The following SUFU variants were observed in gnomAD, a reference collection of about 807,000 sequenced individuals.
SUFU encodes the protein SUFU negative regulator of hedgehog signaling.
Under a neutral mutation model 58.9 loss-of-function variants are expected in SUFU, and 7 were observed. The observed-to-expected ratio is 0.12, with a 90% confidence interval of 0.07 to 0.22. SUFU has a LOEUF of 0.22. Ranked by LOEUF, SUFU falls within the 10% of genes least tolerant of loss-of-function variation. SUFU has a pLI of 1.00. For missense variants in SUFU, 451 were observed against 641.3 expected (o/e 0.70, Z 3.20); for synonymous variants, 232 against 254.8 (o/e 0.91, Z 0.85).
rs2135596705 is a variant in SUFU, at chr10:102,504,107, T to C, written c.-46T>C. 1 of 1,515,864 alleles carries C rather than the reference T, an allele frequency of 6.6e-7. No homozygotes were observed. Among genetic ancestry groups the C allele is most frequent in the Non-Finnish European group, 8.8e-7 (1 of 1,136,908 alleles). 93.9% of individuals were successfully genotyped at this position (1,515,864 alleles called of 1,614,324 possible). On this transcript the variant is annotated 5_prime_UTR_variant, in exon 1 of 12. Coordinates refer to ENST00000369902, the MANE Select transcript of SUFU (RefSeq NM_016169.4). ...CGCTGGCCCGTCAGTGCTCTCCCCG[T>C]CGTTTGCCCTCTCCAGTTCCCCCAG...
Position 102,618,993 on chromosome 10 carries a change from G to A in SUFU, c.1296+1565G>A, listed in dbSNP as rs10786698. The A allele has an allele frequency of 0.49, 595,706 of 1,204,010 alleles. 138,193 individuals are homozygous for A. The highest frequency in any genetic ancestry group is 0.74 in the East Asian group (31,374 of 42,674). The allele number at this position is 1,204,010 out of a possible 1,614,324, so 74.6% of individuals were successfully genotyped here. Reference sequence around the variant, plus strand: ...GTGTGTGTGTGTAATGTTCAAGCACGTTTTCCTGGGACAGTCGGGACTGGG... The same window carrying A: ...GTGTGTGTGTGTAATGTTCAAGCACATTTTCCTGGGACAGTCGGGACTGGG... On this transcript the variant is annotated intron_variant, in intron 10 of 11. Transcript: ENST00000369902.
chr10:102,555,229 C>T (rs1354641826), intron 3 of SUFU, among the ~76,000 whole-genome samples: 4 of 139,410 alleles, frequency 2.9e-5, no homozygotes, highest in Non-Finnish European at 6.0e-5. Flanking sequence ...GACTGCGCCA[C>T]TGCACTCCAG....
Position 102,630,616 on chromosome 10 carries a change from G to A in SUFU, c.*461G>A, listed in dbSNP as rs189248164. 5 of 313,650 alleles carry A rather than the reference G, an allele frequency of 1.6e-5. No individual in the cohort carries two copies. Among genetic ancestry groups the A allele is most frequent in the Admixed American group, 1.3e-4 (3 of 22,336 alleles). The allele number at this position is 313,650 out of a possible 1,614,324, so 19.4% of individuals were successfully genotyped here. ...TTGCTACTCAAGCTCCTCTGGCCGC[G>A]GAACAATTCCTCTGATCATGTTTGG... On this transcript the variant is annotated 3_prime_UTR_variant, in exon 12 of 12. Coordinates refer to ENST00000369902, the MANE Select transcript of SUFU (RefSeq NM_016169.4).
At chr10:102,519,947 T>G (rs1456303456) in intron 2 of SUFU, among the ~76,000 whole-genome samples, 1 of 151,636 alleles carries the variant, frequency 6.6e-6, no homozygotes, top group Non-Finnish European at 1.5e-5. Flanking sequence ...AATTTTTGTA[T>G]TTTTAGTAGA....
intron 1 of SUFU, among the ~76,000 whole-genome samples, chr10:102,506,039 GAAAAAAAAAAAAAA>G (rs1170831161): frequency 2.4e-5 from 2 of 84,204 alleles, no homozygotes; most frequent in African/African-American, 8.5e-5. Context: ...TCTGTTATTT[GAAAAAAAAAAAAAA>G]AAAAAAAAAA....
At chr10:102,618,948 G>GTA in intron 10 of SUFU, 1 of 708,862 alleles carries the variant, frequency 1.4e-6, no homozygotes, top group Non-Finnish European at 2.5e-6. Flanking sequence ...GTGTGTGTGT[G>GTA]TGTGTGTGTG....
At chr10:102,556,278 G>A (rs1398760492) in intron 3 of SUFU, among the ~76,000 whole-genome samples, 1 of 152,146 alleles carries the variant, frequency 6.6e-6, no homozygotes, top group Non-Finnish European at 1.5e-5. Context: ...CTGACCTGCT[G>A]GCAGACAGCT....
chr10:102,587,867 G>A (rs1416031705), intron 3 of SUFU, among the ~76,000 whole-genome samples: 1 of 152,130 alleles, frequency 6.6e-6, no homozygotes, highest in Admixed American at 6.5e-5. Context: ...ATATTGTATG[G>A]AAGAAACCTT....
intron 8 of SUFU, among the ~76,000 whole-genome samples, chr10:102,602,504 C>T (rs1010062542): frequency 3.9e-5 from 6 of 152,182 alleles, no homozygotes; most frequent in Admixed American, 6.5e-5. Context: ...TTAAATAACT[C>T]CTATGAGATG....
rs146344792 is a variant in SUFU at position 102,532,198 on chromosome 10, C to G, written c.318-17772C>G. Among the ~76,000 whole-genome samples the G allele has an allele frequency of 4.5e-4, 69 of 152,198 alleles. No individual in the cohort carries two copies. The East Asian group carries it at 0.013, about 29-fold the overall frequency. On this transcript the variant is annotated intron_variant, in intron 2 of 11. Coordinates refer to ENST00000369902, the MANE Select transcript of SUFU (RefSeq NM_016169.4). ...GGCCAGGCTGGTCTGGAACTCCTGA[C>G]CCTCTAGTGATTCTCCCATCTCTGC...
At chr10:102,605,785 A>G (rs1310078103) in intron 8 of SUFU, among the ~76,000 whole-genome samples, 1 of 152,214 alleles carries the variant, frequency 6.6e-6, no homozygotes, top group Non-Finnish European at 1.5e-5. Context: ...AGAATCTCCC[A>G]GGCAAGGGGC....
chr10:102,518,519 G>GTCTATCTGTCTA (rs1554842628), intron 2 of SUFU, among the ~76,000 whole-genome samples: 1 of 147,114 alleles, frequency 6.8e-6, no homozygotes, highest in African/African-American at 2.5e-5. Flanking sequence ...CTGTCTGTCT[G>GTCTATCTGTCTA]TCTATCTATC....
At chr10:102,583,661 C>T (rs1293090425) in intron 3 of SUFU, among the ~76,000 whole-genome samples, 2 of 152,144 alleles carry the variant, frequency 1.3e-5, no homozygotes, top group Non-Finnish European at 2.9e-5. Flanking sequence ...TGTTTCCAGC[C>T]TAAATAAATC....
Position 102,573,213 on chromosome 10 carries a change from CTT to C in SUFU, c.455-19367_455-19366del, listed in dbSNP as rs2063180804. ...GGAGGAGCAGGAGCTTCCTTCTTTGCTTTCGGCACCGTCTTGTGAAAAGGGCC... is the reference window on the plus strand; with the variant it reads ...GGAGGAGCAGGAGCTTCCTTCTTTGCTCGGCACCGTCTTGTGAAAAGGGCC... On this transcript the variant is annotated intron_variant, in intron 3 of 11. Coordinates refer to ENST00000369902, the MANE Select transcript of SUFU (RefSeq NM_016169.4). 71 of 734,426 alleles carry C rather than the reference CTT, an allele frequency of 9.7e-5. No homozygotes were observed. The South Asian group carries it at 9.8e-4, about 10-fold the overall frequency. 45.5% of individuals were successfully genotyped at this position (734,426 alleles called of 1,614,324 possible).
chr10:102,547,206 C>T (rs2062864393), intron 2 of SUFU, among the ~76,000 whole-genome samples: 1 of 152,172 alleles, frequency 6.6e-6, no homozygotes, highest in Non-Finnish European at 1.5e-5. Context: ...CTTCCCTTTG[C>T]CCTACTGACC....
At chr10:102,621,270 C>T (rs1158703970) in intron 10 of SUFU, among the ~76,000 whole-genome samples, 1 of 152,204 alleles carries the variant, frequency 6.6e-6, no homozygotes, top group African/African-American at 2.4e-5. Context: ...TTTGCTTGGA[C>T]TGCCCCGAGA....
intron 2 of SUFU, among the ~76,000 whole-genome samples, chr10:102,513,213 C>A (rs1038422338): frequency 6.6e-6 from 1 of 152,116 alleles, no homozygotes; most frequent in Admixed American, 6.6e-5. Flanking sequence ...AATGGTGGGG[C>A]CTCTTTAAAA....
At chr10:102,583,189 A>G (rs1270267713) in intron 3 of SUFU, among the ~76,000 whole-genome samples, 1 of 152,158 alleles carries the variant, frequency 6.6e-6, no homozygotes, top group Non-Finnish European at 1.5e-5. Context: ...CCATGCTTGA[A>G]AACTGTGACC....
chr10:102,628,273 G>A lies in SUFU; in HGVS notation c.1365+1030G>A, dbSNP rs1188148578. On this transcript the variant is annotated intron_variant, in intron 11 of 11. Transcript: ENST00000369902. The surrounding 1 kb of genome is among the most constrained non-coding windows in gnomAD (Gnocchi z 4.5). ...GGAAGCTGAGGGGAGTGCACAGGGCGGGACCGTCCAGTCCAGGTCTCCAGT... is the reference window on the plus strand; with the variant it reads ...GGAAGCTGAGGGGAGTGCACAGGGCAGGACCGTCCAGTCCAGGTCTCCAGT... Among the ~76,000 whole-genome samples, 3 of 152,302 alleles carry A rather than the reference G, an allele frequency of 2.0e-5. No homozygotes were observed. In the South Asian group the frequency reaches 6.2e-4, roughly 32 times the overall value.
Sources: allele counts gnomAD v4.1 joint callset (sites outside exome capture counted in the v4.1 genomes callset), GRCh38; gene constraint gnomAD v4.1.1; non-coding constraint Gnocchi (gnomAD v3.1); transcripts MANE v1.5; gene names NCBI Gene and HGNC (gene_info 2026-07-23, HGNC 2026-07-21).